TTLL11: variants seen among roughly 807,000 people sequenced by gnomAD.
TTLL11 encodes tubulin tyrosine ligase like 11, also known as tubulin polyglutamylase TTLL11.
In TTLL11, 42 loss-of-function variants were observed where a neutral mutation model predicts 51.7. The ratio of observed to expected loss-of-function variants is 0.81; its 90% confidence interval spans 0.64 to 1.05. The LOEUF (loss-of-function observed/expected upper bound fraction) is 1.05, where lower values mean the gene tolerates loss of function less well. Among genes scored for constraint, TTLL11 ranks in the 50% least tolerant of loss-of-function variants. TTLL11 has a pLI of 0.00. For missense variants in TTLL11, 799 were observed against 940.4 expected, an observed-to-expected ratio of 0.85 and a Z score of 1.97; for synonymous variants, 381 against 383.5, an observed-to-expected ratio of 0.99 and a Z score of 0.08.
rs767890690 is a variant in TTLL11, at chr9:121,860,398, G to A, written c.1779C>T (p.Asp593=). ...TCCGTGTGATGTCAATGTAGAGGAT[G>A]TCCACGGCAGCCATGGACAGGCTGC... ...SSSSLSMAAV[D]ILYIDITRRW... Residue 593 remains aspartate (D), a synonymous_variant, in exon 8 of 9, where the codon GAC becomes GAT. Coordinates refer to ENST00000321582, the MANE Select transcript of TTLL11 (RefSeq NM_001139442.2). 2 of 1,551,486 alleles carry A rather than the reference G, an allele frequency of 1.3e-6. No homozygotes were observed. Among genetic ancestry groups the A allele is most frequent in the Middle Eastern group, 1.7e-4 (1 of 5,992 alleles).
intron 6 of TTLL11, among the ~76,000 whole-genome samples, chr9:121,879,049 G>A (rs1399481500): frequency 6.6e-6 from 1 of 152,118 alleles, no homozygotes; most frequent in African/African-American, 2.4e-5. Context: ...AATATAAAAT[G>A]GGAATAATAA....
intron 1 of TTLL11, among the ~76,000 whole-genome samples, chr9:122,061,131 C>T (rs534431879): frequency 4.6e-5 from 7 of 152,198 alleles, no homozygotes; most frequent in Admixed American, 1.3e-4. Context: ...TCCCTGCCAC[C>T]GTCTTCACAT....
Position 122,008,292 on chromosome 9 carries a change from C to T in TTLL11, c.694-18522G>A, listed in dbSNP as rs141680745. ...GGAAACAGTCGACCAAATAAAGAGA[C>T]AACCTATGGAATGGGAGAAAATATT... On this transcript the variant is annotated intron_variant, in intron 3 of 8. Coordinates refer to ENST00000321582, the MANE Select transcript of TTLL11 (RefSeq NM_001139442.2). Among the ~76,000 whole-genome samples, 385 of 152,250 alleles carry T rather than the reference C, an allele frequency of 2.5e-3. 1 individual carries two copies. The highest frequency in any genetic ancestry group is 8.8e-3 in the African/African-American group (367 of 41,526).
rs1370135645 is a variant in TTLL11 at position 121,836,323 on chromosome 9, C to T, written c.1841-13444G>A. ...GATAAAGCATGATTTCTGGTCCTGT[C>T]GCTGTGGCTTTCTGTAGTTGCCCTG... is the stretch of plus-strand genomic sequence containing the variant. On this transcript the variant is annotated intron_variant, in intron 8 of 8. Transcript: ENST00000321582. 3.3e-5 allele frequency among the ~76,000 whole-genome samples: 5 copies of T among 152,114 alleles called. No individual in the cohort carries two copies. The South Asian group carries it at 8.3e-4, about 25-fold the overall frequency.
chr9:121,836,324 G>T (rs111552932), intron 8 of TTLL11, among the ~76,000 whole-genome samples: 1,992 of 152,194 alleles, frequency 0.013, 53 homozygotes, highest in African/African-American at 0.046. Flanking sequence ...TGGTCCTGTC[G>T]CTGTGGCTTT....
At chr9:121,875,384 G>A (rs375026116) in intron 6 of TTLL11, among the ~76,000 whole-genome samples, 7 of 152,176 alleles carry the variant, frequency 4.6e-5, no homozygotes, top group African/African-American at 1.4e-4. Flanking sequence ...CTTGCAGAAT[G>A]AGTCTGTTTT....
intron 6 of TTLL11, among the ~76,000 whole-genome samples, chr9:121,937,799 A>C (rs1841291536): frequency 6.6e-6 from 1 of 152,162 alleles, no homozygotes; most frequent in Non-Finnish European, 1.5e-5. Flanking sequence ...AAATTTAAGA[A>C]AGAAAAAAAT....
rs532162208 is a variant in TTLL11, at chr9:121,831,911, C to A, written c.1841-9032G>T. Among the ~76,000 whole-genome samples the A allele has an allele frequency of 6.6e-5, 10 of 152,210 alleles. No homozygotes were observed. The South Asian group carries it at 2.1e-3, about 32-fold the overall frequency. ...AAATTTACTTTCACAGTCCTGGAGG[C>A]TGAAAGTCTGAGATTGGGGTGCCAG... On this transcript the variant is annotated intron_variant, in intron 8 of 8. Coordinates refer to ENST00000321582, the MANE Select transcript of TTLL11 (RefSeq NM_001139442.2).
At chr9:121,997,569 G>A (rs55634496) in intron 3 of TTLL11, among the ~76,000 whole-genome samples, 3,665 of 152,320 alleles carry the variant, frequency 0.024, 140 homozygotes, top group African/African-American at 0.084. Context: ...AGCAGCAGCT[G>A]CAGAGAGGGC....
At chr9:121,938,602 CTTAGAGCATTTCTGCT>C (rs1183223685) in intron 6 of TTLL11, among the ~76,000 whole-genome samples, 1 of 152,036 alleles carries the variant, frequency 6.6e-6, no homozygotes, top group Admixed American at 6.5e-5. Context: ...TACAAATTTT[CTTAGAGCATTTCTGCT>C]CTAAGAAAAC....
chr9:121,906,798 A>T (rs1021638934), intron 6 of TTLL11, among the ~76,000 whole-genome samples: 2 of 152,152 alleles, frequency 1.3e-5, no homozygotes, highest in African/African-American at 4.8e-5. Context: ...TATTTCATAG[A>T]TATTTGTGGT....
intron 6 of TTLL11, among the ~76,000 whole-genome samples, chr9:121,917,247 T>C (rs1032404045): frequency 4.6e-5 from 7 of 152,020 alleles, no homozygotes; most frequent in African/African-American, 1.2e-4. Context: ...GGTAAGAGGA[T>C]TGCTTGAGGC....
At chr9:121,918,616 T>C (rs1285058176) in intron 6 of TTLL11, among the ~76,000 whole-genome samples, 2 of 152,124 alleles carry the variant, frequency 1.3e-5, no homozygotes, top group African/African-American at 4.8e-5. Context: ...TAGAGATAAA[T>C]TTAAAAATGC....
intron 6 of TTLL11, among the ~76,000 whole-genome samples, chr9:121,970,336 G>A (rs1024329285): frequency 5.3e-5 from 8 of 152,292 alleles, no homozygotes; most frequent in South Asian, 2.1e-4. Flanking sequence ...ATTAACTGGC[G>A]TAGGTAAAGA....
chr9:121,902,314 C>T (rs947864727), intron 6 of TTLL11, among the ~76,000 whole-genome samples: 1 of 152,212 alleles, frequency 6.6e-6, no homozygotes, highest in East Asian at 1.9e-4. Flanking sequence ...TCTTTAAGAA[C>T]ATCCTTTTAA....
chr9:121,894,258 C>A (rs183461683), intron 6 of TTLL11, among the ~76,000 whole-genome samples: 45 of 152,268 alleles, frequency 3.0e-4, no homozygotes, highest in African/African-American at 1.1e-3. Context: ...ACACAGAAAC[C>A]TTTCTGGAGA....
At chr9:121,874,213 G>A (rs988230070) in intron 6 of TTLL11, among the ~76,000 whole-genome samples, 1 of 152,002 alleles carries the variant, frequency 6.6e-6, no homozygotes, top group African/African-American at 2.4e-5. Flanking sequence ...ACATTGATCA[G>A]GCTAGTCTTG....
At chr9:122,008,571 C>T (rs1042747669) in intron 3 of TTLL11, among the ~76,000 whole-genome samples, 1 of 152,098 alleles carries the variant, frequency 6.6e-6, no homozygotes, top group African/African-American at 2.4e-5. Context: ...ATGATCTTGG[C>T]GATGATGTGG....
At chr9:121,936,792 A>G (rs1841243258) in intron 6 of TTLL11, among the ~76,000 whole-genome samples, 4 of 152,252 alleles carry the variant, frequency 2.6e-5, no homozygotes, top group African/African-American at 9.6e-5. Context: ...ATACATTTTA[A>G]AATAAAATTG....
Sources: allele counts gnomAD v4.1 joint callset (sites outside exome capture counted in the v4.1 genomes callset), GRCh38; gene constraint gnomAD v4.1.1; transcripts MANE v1.5; gene names NCBI Gene and HGNC (gene_info 2026-07-23, HGNC 2026-07-21).